Variants in KCTD8 observed in about 807,000 individuals in gnomAD.
The protein encoded by KCTD8 is BTB/POZ domain-containing protein KCTD8.
In KCTD8, 27 loss-of-function variants were observed where a neutral mutation model predicts 31.5. The observed-to-expected ratio is 0.86, with a 90% confidence interval of 0.63 to 1.18. KCTD8 has a LOEUF of 1.18. KCTD8 is among the 50% of genes most tolerant of loss of function. The probability of loss-of-function intolerance (pLI) is 0.00; values close to 1 mark genes in which losing one functional copy is unlikely to be tolerated. For missense variants in KCTD8, 658 were observed against 647.7 expected, an observed-to-expected ratio of 1.02 and a Z score of -0.17; for synonymous variants, 290 against 280.0, an observed-to-expected ratio of 1.04 and a Z score of -0.36.
chr4:44,275,640 C>A (rs1716731048), intron 1 of KCTD8, among the ~76,000 whole-genome samples: 1 of 152,054 alleles, frequency 6.6e-6, no homozygotes, highest in South Asian at 2.1e-4. Context: ...AAAGTATAAT[C>A]TTAAAATGTA....
intron 1 of KCTD8, among the ~76,000 whole-genome samples, chr4:44,353,137 C>T (rs183847552): frequency 6.6e-6 from 1 of 152,196 alleles, no homozygotes; most frequent in Admixed American, 6.5e-5. Flanking sequence ...GCCCTTCTGG[C>T]CACAGACAAC....
intron 1 of KCTD8, among the ~76,000 whole-genome samples, chr4:44,218,202 C>T (rs1714706228): frequency 3.0e-5 from 4 of 135,182 alleles, no homozygotes; most frequent in African/African-American, 8.5e-5. Context: ...GGCGCAATCT[C>T]GGCTCACTGA....
intron 1 of KCTD8, among the ~76,000 whole-genome samples, chr4:44,232,194 G>T (rs531337398): frequency 6.6e-6 from 1 of 152,168 alleles, no homozygotes; most frequent in Non-Finnish European, 1.5e-5. Context: ...TAGACCAAAA[G>T]ACTCCTTCAT....
intron 1 of KCTD8, among the ~76,000 whole-genome samples, chr4:44,315,732 G>C (rs1718089056): frequency 6.6e-6 from 1 of 152,070 alleles, no homozygotes; most frequent in Non-Finnish European, 1.5e-5. Flanking sequence ...TCCAGTTGTA[G>C]AACTCTAGGT....
At chr4:44,367,645 G>A (rs1252700577) in intron 1 of KCTD8, among the ~76,000 whole-genome samples, 1 of 152,066 alleles carries the variant, frequency 6.6e-6, no homozygotes, top group East Asian at 1.9e-4. Flanking sequence ...AACTAAATGT[G>A]TCATTGTTGA....
At chr4:44,356,795 G>T (rs1246161333) in intron 1 of KCTD8, among the ~76,000 whole-genome samples, 1 of 152,072 alleles carries the variant, frequency 6.6e-6, no homozygotes, top group Non-Finnish European at 1.5e-5. Context: ...CAAATGAAAA[G>T]AACAGTCCAC....
At chr4:44,239,812 A>G (rs78558889) in intron 1 of KCTD8, among the ~76,000 whole-genome samples, 3,516 of 152,238 alleles carry the variant, frequency 0.023, 149 homozygotes, top group African/African-American at 0.081. Flanking sequence ...GCCCAATGCA[A>G]TGTGTGCCCA....
rs570762616 is a variant in KCTD8, at chr4:44,252,366, G to A, written c.962-77116C>T. ...TCATATAATGACTTCTTTTCCTGTG[G>A]GTAGATACCCAGTAGTGGGATTGCT... On this transcript the variant is annotated intron_variant, in intron 1 of 1. Coordinates refer to ENST00000360029, the MANE Select transcript of KCTD8 (RefSeq NM_198353.3). Among the ~76,000 whole-genome samples, 8 of 151,762 alleles carry A rather than the reference G, an allele frequency of 5.3e-5. No homozygotes were observed. In the East Asian group the frequency reaches 5.8e-4, roughly 11 times the overall value.
intron 1 of KCTD8, among the ~76,000 whole-genome samples, chr4:44,204,102 A>G (rs1714231840): frequency 2.0e-5 from 3 of 152,216 alleles, no homozygotes; most frequent in Admixed American, 2.0e-4. Context: ...AAATAATATA[A>G]TTACCACAAT....
chr4:44,181,054 C>CATAGTAA (rs1713368433), intron 1 of KCTD8, among the ~76,000 whole-genome samples: 2 of 152,138 alleles, frequency 1.3e-5, no homozygotes, highest in African/African-American at 4.8e-5. Context: ...TACATCTATT[C>CATAGTAA]TTACTGGTGA....
intron 1 of KCTD8, among the ~76,000 whole-genome samples, chr4:44,181,780 G>A (rs1032812562): frequency 6.6e-6 from 1 of 151,184 alleles, no homozygotes; most frequent in African/African-American, 2.4e-5. Context: ...CTTCCCGGCC[G>A]CCATCCCATC....
rs535467424 is a variant in KCTD8, at chr4:44,381,926, T to C, written c.961+65637A>G. 2.0e-5 allele frequency among the ~76,000 whole-genome samples: 3 copies of C among 152,152 alleles called. No homozygotes were observed. The East Asian group carries it at 5.8e-4, about 30-fold the overall frequency. On this transcript the variant is annotated intron_variant, in intron 1 of 1. Coordinates refer to ENST00000360029, the MANE Select transcript of KCTD8 (RefSeq NM_198353.3). ...ATTAAACCTATTTTCTTTAATTACC[T>C]TGATCCAGGTATTTCTTTCTAGCAA...
intron 1 of KCTD8, among the ~76,000 whole-genome samples, chr4:44,220,457 C>A (rs1714774889): frequency 6.6e-6 from 1 of 152,142 alleles, no homozygotes; most frequent in South Asian, 2.1e-4. Flanking sequence ...TAAATCTGAT[C>A]GTATCCAAAA....
chr4:44,198,793 A>G (rs1311355421), intron 1 of KCTD8, among the ~76,000 whole-genome samples: 1 of 152,192 alleles, frequency 6.6e-6, no homozygotes, highest in Non-Finnish European at 1.5e-5. Flanking sequence ...ACAGGATCAA[A>G]ATATCACATA....
At chr4:44,211,520 C>A (rs1714483567) in intron 1 of KCTD8, among the ~76,000 whole-genome samples, 1 of 152,138 alleles carries the variant, frequency 6.6e-6, no homozygotes, top group African/African-American at 2.4e-5. Context: ...CACTCATTTT[C>A]ACAGCTGTAT....
chr4:44,268,796 T>A (rs1716476416), intron 1 of KCTD8, among the ~76,000 whole-genome samples: 1 of 151,918 alleles, frequency 6.6e-6, no homozygotes, highest in South Asian at 2.1e-4. Flanking sequence ...CACAATTGCT[T>A]CAAAGAGAAT....
rs539630404 is a variant in KCTD8, at chr4:44,410,888, A to T, written c.961+36675T>A. On this transcript the variant is annotated intron_variant, in intron 1 of 1. Transcript: ENST00000360029. ...ACAGCCAAACCATATCAGCATGTAT[A>T]TTATAATCTCCTGAGGTGGCCTTTC... 6.6e-5 allele frequency among the ~76,000 whole-genome samples: 10 copies of T among 152,276 alleles called. No homozygotes were observed. The East Asian group carries it at 1.9e-3, about 29-fold the overall frequency.
At chr4:44,396,086 G>C (rs1399880950) in intron 1 of KCTD8, among the ~76,000 whole-genome samples, 1 of 152,030 alleles carries the variant, frequency 6.6e-6, no homozygotes, top group Non-Finnish European at 1.5e-5. Flanking sequence ...CCTGCAGCTA[G>C]ATGGTCCCAT....
intron 1 of KCTD8, among the ~76,000 whole-genome samples, chr4:44,215,184 G>C (rs1469224972): frequency 3.9e-5 from 6 of 152,010 alleles, no homozygotes; most frequent in Non-Finnish European, 8.8e-5. Context: ...TAAAACTCTG[G>C]CCTGGTCTCC....
Sources: allele counts gnomAD v4.1 joint callset (sites outside exome capture counted in the v4.1 genomes callset), GRCh38; gene constraint gnomAD v4.1.1; transcripts MANE v1.5; gene names NCBI Gene and HGNC (gene_info 2026-07-23, HGNC 2026-07-21).